SLC24A4: variants seen among roughly 807,000 people sequenced by gnomAD.
SLC24A4 encodes the protein solute carrier family 24 member 4, also known as sodium/potassium/calcium exchanger 4.
SLC24A4 carries 53 observed loss-of-function variants against 79.0 expected under a neutral mutation model. The observed-to-expected ratio is 0.67, with a 90% CI of 0.54 to 0.84. The LOEUF (loss-of-function observed/expected upper bound fraction) is 0.84, where lower values mean the gene tolerates loss of function less well. Ranked by LOEUF, SLC24A4 falls within the 40% of genes least tolerant of loss-of-function variation. The probability of loss-of-function intolerance (pLI) is 0.00; values close to 1 mark genes in which losing one functional copy is unlikely to be tolerated. For missense variants in SLC24A4, 731 were observed against 822.0 expected (o/e 0.89, Z 1.35); for synonymous variants, 323 against 323.8 (o/e 1.00, Z 0.03).
chr14:92,412,451 C>T (rs1890772799), intron 2 of SLC24A4, among the ~76,000 whole-genome samples: 1 of 152,188 alleles, frequency 6.6e-6, no homozygotes, highest in Admixed American at 6.5e-5. Context: ...CCTGTCAACG[C>T]CCCGCACTCT....
intron 2 of SLC24A4, among the ~76,000 whole-genome samples, chr14:92,337,480 C>G (rs1272867254): frequency 6.6e-6 from 1 of 152,194 alleles, no homozygotes; most frequent in Admixed American, 6.5e-5. Context: ...CCCTGGCTGA[C>G]CCCTCTAGCC....
intron 12 of SLC24A4, among the ~76,000 whole-genome samples, chr14:92,473,079 T>A (rs1200927985): frequency 6.6e-6 from 1 of 152,248 alleles, no homozygotes; most frequent in Non-Finnish European, 1.5e-5. Flanking sequence ...CTAGTTTTTG[T>A]GAGTACAAAA....
At chr14:92,388,470 C>T (rs1595202828) in intron 2 of SLC24A4, among the ~76,000 whole-genome samples, 1 of 105,460 alleles carries the variant, frequency 9.5e-6, no homozygotes, top group Non-Finnish European at 2.1e-5. Flanking sequence ...GGCCGACTCT[C>T]GATCTTCTTT....
chr14:92,482,712 A>C lies in SLC24A4; in HGVS notation c.1288A>C (p.Thr430Pro). 1 of 1,613,926 alleles carries C rather than the reference A, an allele frequency of 6.2e-7. No individual in the cohort carries two copies. Among genetic ancestry groups the C allele is most frequent in the Non-Finnish European group, 8.5e-7 (1 of 1,179,918 alleles). ...AGGGGACAAGGTCAAGTGGGTGTTCACCTGGCCCCTCATCTTCCTCCTGTG... is the reference window on the plus strand; with the variant it reads ...AGGGGACAAGGTCAAGTGGGTGTTCCCCTGGCCCCTCATCTTCCTCCTGTG... ...ARGDKVKWVF[T>P]WPLIFLLCVT... Residue 430 changes from threonine (T) to proline (P), a missense_variant, in exon 13 of 17, where the codon ACC becomes CCC. Transcript: ENST00000532405.
Position 92,441,059 on chromosome 14 carries a change from T to G in SLC24A4, c.394-1030T>G, listed in dbSNP as rs1308238861. ...GCTTCTGCCCTGGAGATCGATGCTG[T>G]GCCCCCACCCCAGACTCCGTCAAGC... On this transcript the variant is annotated intron_variant, in intron 4 of 16. Coordinates refer to ENST00000532405, the MANE Select transcript of SLC24A4 (RefSeq NM_153646.4). The surrounding 1 kb of genome is among the most constrained non-coding windows in gnomAD (Gnocchi z 4.6). Among the ~76,000 whole-genome samples, 1 of 152,064 alleles carries G rather than the reference T, an allele frequency of 6.6e-6. No homozygotes were observed. Among genetic ancestry groups the G allele is most frequent in the Non-Finnish European group, 1.5e-5 (1 of 68,008 alleles).
At chr14:92,484,170 G>C (rs751714393) in intron 13 of SLC24A4, 170 of 984,162 alleles carry the variant, frequency 1.7e-4, no homozygotes, top group Non-Finnish European at 1.9e-4. Flanking sequence ...ACCCAATCAC[G>C]CCTTCCCCCA....
intron 2 of SLC24A4, among the ~76,000 whole-genome samples, chr14:92,418,597 C>T (rs191797983): frequency 9.9e-4 from 151 of 152,286 alleles, no homozygotes; most frequent in Middle Eastern, 3.4e-3. Context: ...CCAGCAGATT[C>T]GAAACTCCCA....
intron 2 of SLC24A4, among the ~76,000 whole-genome samples, chr14:92,351,890 A>T (rs1886902222): frequency 7.2e-6 from 1 of 139,130 alleles, no homozygotes; most frequent in Non-Finnish European, 1.5e-5. Flanking sequence ...GGAAAGAAGG[A>T]AGGAAGGAAA....
chr14:92,425,800 T>C (rs1425587639), intron 2 of SLC24A4, among the ~76,000 whole-genome samples: 1 of 152,078 alleles, frequency 6.6e-6, no homozygotes, highest in African/African-American at 2.4e-5. Context: ...GGAAACATAG[T>C]GATACCCAGT....
intron 2 of SLC24A4, among the ~76,000 whole-genome samples, chr14:92,409,833 A>G (rs1428102040): frequency 6.6e-6 from 1 of 152,230 alleles, no homozygotes; most frequent in East Asian, 1.9e-4. Context: ...TGGAACACAT[A>G]CACCATGGAA....
chr14:92,464,092 G>GT (rs1893964498), intron 12 of SLC24A4, among the ~76,000 whole-genome samples: 2 of 152,250 alleles, frequency 1.3e-5, no homozygotes, highest in South Asian at 4.1e-4. Context: ...CTATGAGTGG[G>GT]TTTTTTAAGA....
intron 10 of SLC24A4, chr14:92,452,142 G>C (rs541356475): frequency 6.6e-6 from 1 of 152,190 alleles, no homozygotes; most frequent in Non-Finnish European, 1.5e-5. Flanking sequence ...GGAAGGAAGT[G>C]GGGGTGCAGG....
At chr14:92,471,498 A>G (rs1247353830) in intron 12 of SLC24A4, among the ~76,000 whole-genome samples, 4 of 152,178 alleles carry the variant, frequency 2.6e-5, no homozygotes, top group Admixed American at 2.6e-4. Context: ...GTAAGGAGGA[A>G]AGGGCAATGG....
chr14:92,471,001 C>A (rs973804297), intron 12 of SLC24A4, among the ~76,000 whole-genome samples: 8 of 152,210 alleles, frequency 5.3e-5, no homozygotes, highest in Non-Finnish European at 1.2e-4. Flanking sequence ...TTTCCTCCAC[C>A]TAAGCTTACA....
chr14:92,340,456 G>A (rs1247124873), intron 2 of SLC24A4, among the ~76,000 whole-genome samples: 2 of 152,370 alleles, frequency 1.3e-5, no homozygotes, highest in Admixed American at 6.5e-5. Context: ...AGTGGACTTG[G>A]TGATTGCAGT....
chr14:92,442,703 T>G lies in SLC24A4; in HGVS notation c.479-10T>G, dbSNP rs758212092. ...GGCTGAGGCCCAGGGTCTGTGTGTT[T>G]CCTTTCCAGGGGTGTTCATCACCCA... On this transcript the variant is annotated splice_polypyrimidine_tract_variant and intron_variant, in intron 5 of 16. Coordinates refer to ENST00000532405, the MANE Select transcript of SLC24A4 (RefSeq NM_153646.4). 3 of 1,604,762 alleles carry G rather than the reference T, an allele frequency of 1.9e-6. No homozygotes were observed. In the East Asian group the frequency reaches 6.7e-5, roughly 36 times the overall value.
At chr14:92,392,563 C>T (rs942022184) in intron 2 of SLC24A4, among the ~76,000 whole-genome samples, 5 of 151,618 alleles carry the variant, frequency 3.3e-5, no homozygotes, top group African/African-American at 9.8e-5. Context: ...AGCGGCCAGT[C>T]GATTGCTATG....
chr14:92,486,864 T>C, intron 14 of SLC24A4, 84 bp downstream of exon 14: 1 of 953,930 alleles, frequency 1.0e-6, no homozygotes, highest in Non-Finnish European at 1.6e-6. Flanking sequence ...TTGACCAAGT[T>C]GTGGCTCTTA....
At chr14:92,352,582 T>G (rs927258741) in intron 2 of SLC24A4, among the ~76,000 whole-genome samples, 4 of 152,218 alleles carry the variant, frequency 2.6e-5, no homozygotes, top group African/African-American at 9.6e-5. Flanking sequence ...CTATGACTGT[T>G]AGATGTGTGA....
Sources: gnomAD v4.1 joint callset for allele counts (sites outside exome capture counted in the v4.1 genomes callset) on GRCh38, gnomAD v4.1.1 for gene constraint, Gnocchi (gnomAD v3.1) non-coding constraint, MANE v1.5 for transcripts, NCBI Gene and HGNC (gene_info 2026-07-23, HGNC 2026-07-21) for gene names.